COG3: variants seen among roughly 807,000 people sequenced by gnomAD.
COG3 encodes component of oligomeric golgi complex 3.
In COG3, 32 loss-of-function variants were observed where a neutral mutation model predicts 114.1. That is an observed-to-expected ratio of 0.28 (90% CI 0.21 to 0.38). The LOEUF is 0.38. COG3 is among the 10% of genes least tolerant of loss of function. The pLI, the probability that COG3 is intolerant of heterozygous loss-of-function variation, is 1.00. For synonymous variants in COG3, 352 were observed against 365.7 expected, an observed-to-expected ratio of 0.96 and a Z score of 0.43; for missense variants, 813 against 973.2, an observed-to-expected ratio of 0.84 and a Z score of 2.19.
chr13:45,494,170 C>G (rs1321083890), intron 12 of COG3, among the ~76,000 whole-genome samples: 1 of 151,922 alleles, frequency 6.6e-6, no homozygotes, highest in Admixed American at 6.6e-5. Context: ...ACTAAAAATA[C>G]AAAAATTAGC....
intron 22 of COG3, chr13:45,531,919 T>G (rs896687082): frequency 1.3e-5 from 2 of 152,204 alleles, no homozygotes; most frequent in African/African-American, 4.8e-5. Context: ...ATTCATCTTT[T>G]TAAAGTGCAG....
intron 1 of COG3, chr13:45,465,484 G>A (rs899185603): frequency 6.5e-6 from 3 of 459,426 alleles, no homozygotes; most frequent in African/African-American, 4.1e-5. Context: ...AGCATGGGAC[G>A]GTTGGCCCGG....
At chr13:45,518,939 A>T in intron 18 of COG3, 21 bp from the exon 19 acceptor site, 1 of 1,613,752 alleles carries the variant, frequency 6.2e-7, no homozygotes, top group Non-Finnish European at 8.5e-7. Context: ...AACAGGAGGA[A>T]ATTGTTATCT....
intron 6 of COG3, 109 bp downstream of exon 6, chr13:45,482,582 T>C: frequency 1.8e-6 from 1 of 543,306 alleles, no homozygotes; most frequent in Non-Finnish European, 3.2e-6. Context: ...GTTCCTATTA[T>C]ATCACTTCTT....
chr13:45,492,181 T>A lies in COG3; in HGVS notation c.1118T>A (p.Met373Lys), dbSNP rs1408283188. ...CALVRSGCAFMVHVCQDEHQL... is the reference protein window; with the variant it reads ...CALVRSGCAFKVHVCQDEHQL... ...CAGGTTCGTAGTGGCTGTGCCTTCA[T>A]GGTTCATGTCTGCCAGGATGAACAC... The change falls in exon 11 of 23, where the codon ATG becomes AAG. Residue 373 changes from methionine (M) to lysine (K), a missense_variant. Met to Lys is a moderately conservative substitution (Grantham distance 95). Transcript: ENST00000349995. The A allele has an allele frequency of 6.2e-7, 1 of 1,610,276 alleles. No individual in the cohort carries two copies. The highest frequency in any genetic ancestry group is 8.5e-7 in the Non-Finnish European group (1 of 1,178,300).
intron 14 of COG3, among the ~76,000 whole-genome samples, chr13:45,507,425 T>G (rs1284581412): frequency 1.3e-5 from 2 of 152,142 alleles, no homozygotes; most frequent in African/African-American, 4.8e-5. Flanking sequence ...AAAAAAAATT[T>G]TACAAGTAGT....
chr13:45,519,605 C>T (rs1871893926), intron 19 of COG3, among the ~76,000 whole-genome samples: 1 of 152,200 alleles, frequency 6.6e-6, no homozygotes, highest in Non-Finnish European at 1.5e-5. Context: ...GTCAGTCCTC[C>T]TTCACATTGG....
At chr13:45,521,055 G>A (rs562303918) in intron 19 of COG3, among the ~76,000 whole-genome samples, 12 of 152,228 alleles carry the variant, frequency 7.9e-5, no homozygotes, top group African/African-American at 2.6e-4. Flanking sequence ...AAATTTACAC[G>A]TGCCCATAGT....
In COG3 at chr13:45,479,063, A is replaced by G. The variant is rs1886087955; in HGVS notation, c.380A>G (p.Tyr127Cys). ...TQMDQDEGTK[Y>C]RQMRDYLSGF... The stretch of plus-strand genomic sequence containing the variant: ...ATGGATCAAGATGAAGGAACTAAAT[A>G]TAGGTATGTGTGTCTCTTGCATTTG... The change falls in exon 3 of 23, where the codon TAT (tyrosine) becomes TGT (cysteine). Residue 127 changes from tyrosine (Y) to cysteine (C), a missense_variant. By Grantham distance (194) the Tyr-to-Cys change is radical (BLOSUM62 -2). This residue lies in a region of COG3 where 424 missense variants were observed against 430.6 expected (regional missense o/e 0.98). Transcript: ENST00000349995. 1.2e-6 allele frequency: 2 copies of G among 1,603,808 alleles called. No homozygotes were observed. The highest frequency in any genetic ancestry group is 1.3e-5 in the African/African-American group (1 of 74,652).
chr13:45,491,642 A>G (rs1166943013), intron 10 of COG3, 104 bp downstream of exon 10: 2 of 1,074,066 alleles, frequency 1.9e-6, no homozygotes, highest in Non-Finnish European at 2.6e-6. Flanking sequence ...CCCATAGTTA[A>G]CTGAAAAAGC....
chr13:45,473,134 G>T (rs930618771), intron 1 of COG3, among the ~76,000 whole-genome samples: 1 of 152,174 alleles, frequency 6.6e-6, no homozygotes, highest in Non-Finnish European at 1.5e-5. Flanking sequence ...CTCCCAAAGT[G>T]CTGGGATTAC....
intron 7 of COG3, 32 bp downstream of exon 7, chr13:45,483,387 G>T: frequency 6.7e-7 from 1 of 1,497,694 alleles, no homozygotes; most frequent in Non-Finnish European, 9.0e-7. Context: ...ACAGGTTTTT[G>T]TTATTGTTGT....
At chr13:45,526,856 T>A (rs1425441410) in intron 20 of COG3, among the ~76,000 whole-genome samples, 1 of 152,212 alleles carries the variant, frequency 6.6e-6, no homozygotes, top group Admixed American at 6.5e-5. Context: ...TTCTGATTCC[T>A]CACAGTCAAG....
intron 14 of COG3, among the ~76,000 whole-genome samples, chr13:45,506,073 T>C (rs201408572): frequency 6.5e-4 from 2 of 3,098 alleles, no homozygotes; most frequent in Non-Finnish European, 1.9e-3. Context: ...ACTTTTCTAC[T>C]TTTTTAAAAT....
intron 13 of COG3, among the ~76,000 whole-genome samples, chr13:45,500,211 C>T (rs1869377689): frequency 6.6e-6 from 1 of 151,770 alleles, no homozygotes; most frequent in Admixed American, 6.6e-5. Flanking sequence ...TTTGCTAAGT[C>T]ATCATGTTTC....
At chr13:45,508,500 T>C (rs17066806) in intron 14 of COG3, among the ~76,000 whole-genome samples, 22,028 of 151,162 alleles carry the variant, frequency 0.15, 2,591 homozygotes, top group African/African-American at 0.32. Flanking sequence ...ATATATTTTA[T>C]GAACCATTTT....
intron 22 of COG3, among the ~76,000 whole-genome samples, chr13:45,534,029 G>C (rs998366792): frequency 1.3e-5 from 2 of 152,204 alleles, no homozygotes; most frequent in Non-Finnish European, 2.9e-5. Flanking sequence ...TGGAGTGCAG[G>C]CAGCCATTTC....
chr13:45,515,091 A>G (rs529943277), intron 16 of COG3, among the ~76,000 whole-genome samples: 97 of 152,256 alleles, frequency 6.4e-4, no homozygotes, highest in Non-Finnish European at 1.1e-3. Context: ...CTGGATTACA[A>G]TAGCTTTAGT....
chr13:45,515,446 C>T (rs531784965), intron 16 of COG3, among the ~76,000 whole-genome samples: 1 of 152,224 alleles, frequency 6.6e-6, no homozygotes, highest in East Asian at 1.9e-4. Flanking sequence ...GCAAATACAG[C>T]CTTGCTCTTA....
Sources: gnomAD v4.1 joint callset for allele counts (sites outside exome capture counted in the v4.1 genomes callset) on GRCh38, gnomAD v4.1.1 for gene constraint, gnomAD v4.1.1 regional missense constraint, MANE v1.5 for transcripts, NCBI Gene and HGNC (gene_info 2026-07-23, HGNC 2026-07-21) for gene names.